MCC: variants seen among roughly 807,000 people sequenced by gnomAD.
MCC encodes the protein colorectal mutant cancer protein.
MCC carries 90 observed loss-of-function variants against 116.2 expected under a neutral mutation model. The observed-to-expected ratio is 0.77, with a 90% CI of 0.65 to 0.92. The LOEUF (loss-of-function observed/expected upper bound fraction) is 0.92. Among genes scored for constraint, MCC ranks in the 40% least tolerant of loss-of-function variants. MCC has a pLI of 0.00. For synonymous variants in MCC, 578 were observed against 510.5 expected (o/e 1.13, Z -1.78); for missense variants, 1,516 against 1,312.2 (o/e 1.16, Z -2.40).
At chr5:113,173,349 TTTA>T (rs1761169012) in intron 3 of MCC, among the ~76,000 whole-genome samples, 1 of 152,218 alleles carries the variant, frequency 6.6e-6, no homozygotes, top group East Asian at 1.9e-4. Flanking sequence ...GTACTTTTCA[TTTA>T]TTGTTTGTCC....
intron 3 of MCC, among the ~76,000 whole-genome samples, chr5:113,196,744 G>A (rs1277781701): frequency 2.0e-5 from 3 of 152,178 alleles, no homozygotes; most frequent in Non-Finnish European, 4.4e-5. Context: ...AGCTACTCAG[G>A]AGGCTGAGGC....
intron 3 of MCC, among the ~76,000 whole-genome samples, chr5:113,183,661 G>A (rs1341362870): frequency 6.6e-6 from 1 of 152,182 alleles, no homozygotes; most frequent in Non-Finnish European, 1.5e-5. Flanking sequence ...CATACGCAGA[G>A]AGAGTTGGGC....
At chr5:113,153,858 G>A (rs1361149146) in intron 3 of MCC, among the ~76,000 whole-genome samples, 1 of 152,226 alleles carries the variant, frequency 6.6e-6, no homozygotes, top group Non-Finnish European at 1.5e-5. Context: ...CATAACTGCA[G>A]GTTAGGATCT....
At chr5:113,090,313 G>C (rs763463192) in intron 8 of MCC, among the ~76,000 whole-genome samples, 2 of 151,682 alleles carry the variant, frequency 1.3e-5, no homozygotes, top group Non-Finnish European at 2.9e-5. Flanking sequence ...GGCATGAGGG[G>C]GGAATGTCAG....
chr5:113,068,156 G>A lies in MCC; in HGVS notation c.1953C>T (p.Leu651=), dbSNP rs776597922. Residue 651 remains leucine (L), a synonymous_variant, in exon 13 of 19, where the codon CTC becomes CTT. Coordinates refer to ENST00000408903, the MANE Select transcript of MCC (RefSeq NM_001085377.2). ...YSEQCIEAYE[L]LLALAESEQS... Reference sequence around the variant, plus strand: ...GCTCACTCTCTGCCAGCGCCAGGAGGAGTTCGTAGGCTTCGATGCACTGCT... The same window carrying A: ...GCTCACTCTCTGCCAGCGCCAGGAGAAGTTCGTAGGCTTCGATGCACTGCT... 2.3e-5 allele frequency: 37 copies of A among 1,614,180 alleles called. 1 individual carries two copies. In the South Asian group the frequency reaches 2.5e-4, roughly 11 times the overall value.
intron 3 of MCC, among the ~76,000 whole-genome samples, chr5:113,178,698 C>T (rs1194098915): frequency 1.3e-5 from 2 of 152,124 alleles, no homozygotes; most frequent in African/African-American, 4.8e-5. Context: ...GTTGCGTTAA[C>T]CTCAACAATT....
At chr5:113,075,934 C>G (rs947268334) in intron 11 of MCC, among the ~76,000 whole-genome samples, 9 of 152,176 alleles carry the variant, frequency 5.9e-5, no homozygotes, top group African/African-American at 2.2e-4. Flanking sequence ...GATGCGCCCC[C>G]TTTAAGAGCT....
chr5:113,199,045 GTAGTCCCAGC>G (rs901020494), intron 3 of MCC, among the ~76,000 whole-genome samples: 28 of 152,148 alleles, frequency 1.8e-4, no homozygotes, highest in South Asian at 1.2e-3. Context: ...GTGTGCACCT[GTAGTCCCAGC>G]TACTCTGGAG....
At chr5:113,141,228 T>C (rs1343722989) in intron 5 of MCC, among the ~76,000 whole-genome samples, 2 of 152,250 alleles carry the variant, frequency 1.3e-5, no homozygotes, top group African/African-American at 4.8e-5. Flanking sequence ...CTCCAGGACC[T>C]GCACTTGCAT....
At chr5:113,458,243 T>C (rs1771634891) in intron 1 of MCC, among the ~76,000 whole-genome samples, 1 of 152,128 alleles carries the variant, frequency 6.6e-6, no homozygotes, top group Non-Finnish European at 1.5e-5. Flanking sequence ...TTATGAGCTG[T>C]AACACTCACT....
chr5:113,441,870 A>G (rs980157824), intron 1 of MCC, among the ~76,000 whole-genome samples: 15 of 152,154 alleles, frequency 9.9e-5, no homozygotes, highest in African/African-American at 3.6e-4. Flanking sequence ...CCATGGTGCC[A>G]CATTTTCTTT....
At chr5:113,130,683 A>AG (rs1410588530) in intron 5 of MCC, among the ~76,000 whole-genome samples, 1 of 151,894 alleles carries the variant, frequency 6.6e-6, no homozygotes, top group Non-Finnish European at 1.5e-5. Context: ...AGTTCCTTGG[A>AG]GAGCGAGTTG....
At chr5:113,303,350 G>C (rs955199893) in intron 3 of MCC, among the ~76,000 whole-genome samples, 1 of 152,176 alleles carries the variant, frequency 6.6e-6, no homozygotes, top group Non-Finnish European at 1.5e-5. Flanking sequence ...TTTCAGGTTG[G>C]ATAGAAATTA....
intron 4 of MCC, among the ~76,000 whole-genome samples, chr5:113,144,642 A>G (rs904279427): frequency 6.6e-6 from 1 of 152,252 alleles, no homozygotes; most frequent in Admixed American, 6.5e-5. Context: ...GAAGTACTCA[A>G]CAAAGAAGTC....
In MCC at chr5:113,101,830, G is replaced by A. The variant is rs1334920877; in HGVS notation, c.1307C>T (p.Thr436Ile). 6.2e-7 allele frequency: 1 copy of A among 1,613,594 alleles called. No homozygotes were observed. Among genetic ancestry groups the A allele is most frequent in the East Asian group, 2.2e-5 (1 of 44,872 alleles). The part of the protein sequence containing the change: ...AGLREENESL[T>I]AMLCSKEEEL... ...TTCCTCTTTGCTGCACAGCATGGCAGTCAGGCTCTCATTCTCTTCCCTCAG... is the reference window on the plus strand; with the variant it reads ...TTCCTCTTTGCTGCACAGCATGGCAATCAGGCTCTCATTCTCTTCCCTCAG... Residue 436 changes from threonine to isoleucine, a missense_variant, in exon 8 of 19, where the codon ACT becomes ATT. Thr to Ile is a moderately conservative substitution (Grantham distance 89). Transcript: ENST00000408903.
intron 1 of MCC, among the ~76,000 whole-genome samples, chr5:113,461,222 C>T (rs1414388458): frequency 1.3e-5 from 2 of 152,118 alleles, no homozygotes; most frequent in Non-Finnish European, 2.9e-5. Flanking sequence ...GATCATGTCA[C>T]TGTACTCAAG....
At chr5:113,391,121 A>G (rs1769389719) in intron 1 of MCC, among the ~76,000 whole-genome samples, 1 of 152,230 alleles carries the variant, frequency 6.6e-6, no homozygotes, top group African/African-American at 2.4e-5. Flanking sequence ...GTACAAAACA[A>G]TAAGCAAATA....
At chr5:113,181,814 G>C (rs1275882734) in intron 3 of MCC, among the ~76,000 whole-genome samples, 1 of 152,200 alleles carries the variant, frequency 6.6e-6, no homozygotes, top group Non-Finnish European at 1.5e-5. Context: ...CAAGCTCTCA[G>C]ACACTGTGCT....
chr5:113,079,256 C>T (rs1267482171), intron 11 of MCC, among the ~76,000 whole-genome samples: 2 of 152,140 alleles, frequency 1.3e-5, no homozygotes, highest in African/African-American at 2.4e-5. Context: ...GATTCAATGC[C>T]ATCCCCATCA....
Sources: gnomAD v4.1 joint callset for allele counts (sites outside exome capture counted in the v4.1 genomes callset) on GRCh38, gnomAD v4.1.1 for gene constraint, MANE v1.5 for transcripts, NCBI Gene and HGNC (gene_info 2026-07-23, HGNC 2026-07-21) for gene names.